The following PACSIN2 variants were observed in gnomAD, a reference collection of about 807,000 sequenced individuals.
PACSIN2 encodes the protein protein kinase C and casein kinase substrate in neurons 2, also known as protein kinase C and casein kinase substrate in neurons protein 2.
A neutral mutation model predicts 63.8 loss-of-function variants in PACSIN2; 25 were observed. The ratio of observed to expected loss-of-function variants is 0.39; its 90% CI spans 0.29 to 0.55. The LOEUF is 0.55. PACSIN2 is among the 20% of genes least tolerant of loss of function. The probability of loss-of-function intolerance (pLI) is 0.62; values close to 1 mark genes in which losing one functional copy is unlikely to be tolerated. For synonymous variants in PACSIN2, 255 were observed against 256.2 expected (o/e 1.00, Z 0.05); for missense variants, 518 against 646.9 (o/e 0.80, Z 2.16).
At chr22:42,952,049 G>A (rs1933717590) in intron 1 of PACSIN2, among the ~76,000 whole-genome samples, 1 of 152,158 alleles carries the variant, frequency 6.6e-6, no homozygotes, top group African/African-American at 2.4e-5. Context: ...CCCCAGCCCT[G>A]ATACTCCAGC....
intron 1 of PACSIN2, among the ~76,000 whole-genome samples, chr22:42,930,874 G>C (rs982717784): frequency 2.0e-5 from 3 of 152,214 alleles, no homozygotes; most frequent in Non-Finnish European, 4.4e-5. Flanking sequence ...GAGCCTCCCT[G>C]AGCCACCAGG....
At chr22:42,957,305 T>A (rs1933955112) in intron 1 of PACSIN2, among the ~76,000 whole-genome samples, 1 of 152,256 alleles carries the variant, frequency 6.6e-6, no homozygotes, top group African/African-American at 2.4e-5. Flanking sequence ...ACAATTAACA[T>A]ATTTATGAAA....
At chr22:42,990,724 G>T (rs541337653) in intron 1 of PACSIN2, among the ~76,000 whole-genome samples, 60 of 152,166 alleles carry the variant, frequency 3.9e-4, no homozygotes, top group Admixed American at 6.5e-4. Context: ...GGATTTTATT[G>T]TGATAACAAC....
rs760115512 is a variant in PACSIN2, at chr22:42,876,930, G to A, written c.1109C>T (p.Thr370Met). Residue 370 changes from threonine to methionine, a missense_variant, in exon 9 of 11, where the codon ACG becomes ATG. Physicochemically the swap from Thr to Met is moderately conservative, Grantham distance 81. Around this residue, in one of 2 missense-constraint regions of PACSIN2, gnomAD observed 507 missense variants for 612.3 expected, o/e 0.83. Coordinates refer to ENST00000263246, the MANE Select transcript of PACSIN2 (RefSeq NM_001184970.3). ...SYNPFEDEDD[T>M]GSTVSEKDDT... ...GTCCTTCTCACTGACGGTGCTGCCC[G>A]TGTCGTCCTCATCCTCGAAGGGGTT... 3.4e-5 allele frequency: 55 copies of A among 1,614,018 alleles called. No individual in the cohort carries two copies. The highest frequency in any genetic ancestry group is 2.0e-4 in the South Asian group (18 of 91,086).
chr22:42,963,572 G>A (rs1920931050), intron 1 of PACSIN2, among the ~76,000 whole-genome samples: 1 of 152,160 alleles, frequency 6.6e-6, no homozygotes, highest in South Asian at 2.1e-4. Context: ...TGGTAAAAAT[G>A]ACTGCTTGTA....
At chr22:42,910,030 AC>A (rs1421183838) in intron 2 of PACSIN2, among the ~76,000 whole-genome samples, 1 of 152,142 alleles carries the variant, frequency 6.6e-6, no homozygotes, top group Non-Finnish European at 1.5e-5. Context: ...TACCGTTATT[AC>A]CCCCATCTTA....
intron 1 of PACSIN2, among the ~76,000 whole-genome samples, chr22:42,966,582 A>T (rs1453054606): frequency 6.6e-6 from 1 of 152,206 alleles, no homozygotes; most frequent in African/African-American, 2.4e-5. Context: ...TTTAACAGTG[A>T]AGTGAGACTA....
intron 6 of PACSIN2, 145 bp from the exon 7 acceptor site, chr22:42,882,449 CTCAGGTGGAAGG>C (rs1175762348): frequency 1.1e-6 from 1 of 903,108 alleles, no homozygotes; most frequent in African/African-American, 1.7e-5. Flanking sequence ...CCTCCCTTGG[CTCAGGTGGAAGG>C]TCACGGGCCG....
chr22:42,876,258 G>C lies in PACSIN2; in HGVS notation c.1227C>G (p.Ser409=), dbSNP rs746005375. ...SDDESNNPFS[S]TDANGDSNPF... Reference sequence around the variant, plus strand: ...GATTCGAGTCCCCATTGGCATCCGTGGAGGAGAAGGGGTTGTTAGACTCAT... The same window carrying C: ...GATTCGAGTCCCCATTGGCATCCGTCGAGGAGAAGGGGTTGTTAGACTCAT... The change falls in exon 10 of 11, where the codon TCC becomes TCG. Residue 409 remains serine (S), a synonymous_variant. Coordinates refer to ENST00000263246, the MANE Select transcript of PACSIN2 (RefSeq NM_001184970.3). 1 of 1,614,214 alleles carries C rather than the reference G, an allele frequency of 6.2e-7. No individual in the cohort carries two copies. Among genetic ancestry groups the C allele is most frequent in the Admixed American group, 1.7e-5 (1 of 60,038 alleles).
At chr22:43,014,867 G>T (rs1228531154) in intron 1 of PACSIN2, among the ~76,000 whole-genome samples, 154 bp downstream of exon 1, 1 of 150,862 alleles carries the variant, frequency 6.6e-6, no homozygotes, top group Non-Finnish European at 1.5e-5. Context: ...ACAGAGACAG[G>T]AAGTTCCGCG....
At chr22:42,962,062 C>T (rs942366397) in intron 1 of PACSIN2, among the ~76,000 whole-genome samples, 2 of 152,038 alleles carry the variant, frequency 1.3e-5, no homozygotes, top group Admixed American at 6.6e-5. Flanking sequence ...ACAGAAGCAG[C>T]GCCTGAGTTC....
At chr22:42,910,632 G>A (rs144870772) in intron 2 of PACSIN2, among the ~76,000 whole-genome samples, 36 of 152,304 alleles carry the variant, frequency 2.4e-4, no homozygotes, top group Non-Finnish European at 4.4e-4. Flanking sequence ...TGTGGCTGGC[G>A]ACCTGTTTGG....
chr22:42,886,250 C>A (rs527847127), intron 5 of PACSIN2, among the ~76,000 whole-genome samples: 86 of 152,326 alleles, frequency 5.6e-4, no homozygotes, highest in African/African-American at 2.0e-3. Flanking sequence ...AAGTTCTCAG[C>A]GAACACCCAT....
intron 10 of PACSIN2, among the ~76,000 whole-genome samples, chr22:42,872,795 G>A (rs1928265530): frequency 6.6e-6 from 1 of 152,244 alleles, no homozygotes; most frequent in South Asian, 2.1e-4. Flanking sequence ...TCCCACTGTC[G>A]TGCCGCTTCT....
At chr22:42,936,394 A>T (rs920924180) in intron 1 of PACSIN2, among the ~76,000 whole-genome samples, 12 of 152,078 alleles carry the variant, frequency 7.9e-5, no homozygotes, top group Non-Finnish European at 1.2e-4. Flanking sequence ...GATGGAGCAG[A>T]ATGACCCCGG....
At chr22:42,991,664 G>A (rs941808583) in intron 1 of PACSIN2, among the ~76,000 whole-genome samples, 2 of 152,178 alleles carry the variant, frequency 1.3e-5, no homozygotes, top group African/African-American at 4.8e-5. Context: ...CATGCCATAC[G>A]AAGCTGAGAA....
intron 1 of PACSIN2, among the ~76,000 whole-genome samples, chr22:42,989,367 G>C (rs148175677): frequency 6.6e-6 from 1 of 151,768 alleles, no homozygotes; most frequent in Non-Finnish European, 1.5e-5. Context: ...GTGTGGTGGT[G>C]GATGCCTGTA....
intron 2 of PACSIN2, among the ~76,000 whole-genome samples, chr22:42,895,266 A>C (rs902465563): frequency 2.6e-5 from 4 of 152,226 alleles, no homozygotes; most frequent in African/African-American, 9.6e-5. Flanking sequence ...CTTCCCTTAA[A>C]ATGAGGCCTT....
At chr22:42,953,654 A>T (rs1212608564) in intron 1 of PACSIN2, among the ~76,000 whole-genome samples, 1 of 152,220 alleles carries the variant, frequency 6.6e-6, no homozygotes, top group African/African-American at 2.4e-5. Flanking sequence ...CGAGGAAAAA[A>T]CCATTGTCTT....
Sources: gnomAD v4.1 joint callset for allele counts (sites outside exome capture counted in the v4.1 genomes callset) on GRCh38, gnomAD v4.1.1 for gene constraint, gnomAD v4.1.1 regional missense constraint, MANE v1.5 for transcripts, NCBI Gene and HGNC (gene_info 2026-07-23, HGNC 2026-07-21) for gene names.